Variants in FAM81A observed in about 807,000 individuals in gnomAD.
The protein encoded by FAM81A is protein FAM81A.
Under a neutral mutation model 46.7 loss-of-function variants are expected in FAM81A, and 19 were observed. That is an observed-to-expected ratio of 0.41 (90% CI 0.28 to 0.60). FAM81A has a LOEUF of 0.60. FAM81A is among the 20% of genes least tolerant of loss of function. The pLI is 0.34. For missense variants in FAM81A, 377 were observed against 453.5 expected (o/e 0.83, Z 1.53); for synonymous variants, 183 against 152.9 (o/e 1.20, Z -1.45).
intron 4 of FAM81A, among the ~76,000 whole-genome samples, chr15:59,502,520 T>G (rs2082103987): frequency 6.6e-6 from 1 of 151,330 alleles, no homozygotes; most frequent in Admixed American, 6.6e-5. Flanking sequence ...TGTGTGTGTG[T>G]GTGTGTGTTT....
rs2081589011 is a variant in FAM81A at position 59,464,453 on chromosome 15, C to G, written c.294+4247C>G. On this transcript the variant is annotated intron_variant, in intron 3 of 8. Coordinates refer to ENST00000288228, the MANE Select transcript of FAM81A (RefSeq NM_152450.3). ...CCCGCCAACAGTGTATAAGAGCTCC[C>G]TTTTCTCTGTATCCTTGCCAGCATG... Among the ~76,000 whole-genome samples, 3 of 152,170 alleles carry G rather than the reference C, an allele frequency of 2.0e-5. 1 individual carries two copies. The South Asian group carries it at 6.2e-4, about 32-fold the overall frequency.
chr15:59,486,952 C>T (rs2141733961), intron 3 of FAM81A, among the ~76,000 whole-genome samples: 2 of 152,030 alleles, frequency 1.3e-5, no homozygotes, highest in South Asian at 4.2e-4. Flanking sequence ...AGGTACAAAA[C>T]TCACTGGTAA....
chr15:59,448,264 A>C, intron 1 of FAM81A, among the ~76,000 whole-genome samples: 1 of 152,068 alleles, frequency 6.6e-6, no homozygotes, highest in Admixed American at 6.6e-5. Flanking sequence ...GTAATCCCAG[A>C]TACTCAGGAG....
chr15:59,496,264 G>A (rs1247765101), intron 4 of FAM81A, among the ~76,000 whole-genome samples: 1 of 152,068 alleles, frequency 6.6e-6, no homozygotes, highest in Non-Finnish European at 1.5e-5. Context: ...ATAATTTGTT[G>A]AAAAGTCTAT....
intron 3 of FAM81A, among the ~76,000 whole-genome samples, chr15:59,483,575 A>G (rs1318867268): frequency 2.0e-5 from 3 of 152,200 alleles, no homozygotes; most frequent in African/African-American, 7.2e-5. Context: ...GGGCTTTCCT[A>G]TTCATTTCCA....
chr15:59,461,932 G>T (rs1206563660), intron 3 of FAM81A, among the ~76,000 whole-genome samples: 1 of 152,086 alleles, frequency 6.6e-6, no homozygotes, highest in East Asian at 1.9e-4. Context: ...GGCAGGGCGC[G>T]GTGGCTCATG....
At chr15:59,480,332 GCTGTTTCTTTC>G (rs1332108788) in intron 3 of FAM81A, among the ~76,000 whole-genome samples, 1 of 152,150 alleles carries the variant, frequency 6.6e-6, no homozygotes, top group Non-Finnish European at 1.5e-5. Context: ...AACATGGAGA[GCTGTTTCTTTC>G]CTGGTTCCTG....
At chr15:59,439,607 A>T (rs1234742388) in intron 1 of FAM81A, among the ~76,000 whole-genome samples, 1 of 152,158 alleles carries the variant, frequency 6.6e-6, no homozygotes, top group Admixed American at 6.5e-5. Flanking sequence ...TTTCATTCGA[A>T]TCTGATTTCA....
intron 2 of FAM81A, among the ~76,000 whole-genome samples, chr15:59,413,417 AACACACACACACAC>A (rs535000983): frequency 0.011 from 1,535 of 134,504 alleles, 43 homozygotes; most frequent in African/African-American, 0.037. Context: ...GAGAGCATTA[AACACACACACACAC>A]ACACACACAC....
At chr15:59,425,754 T>A (rs1396025765) in intron 2 of FAM81A, among the ~76,000 whole-genome samples, 1 of 152,146 alleles carries the variant, frequency 6.6e-6, no homozygotes, top group Non-Finnish European at 1.5e-5. Flanking sequence ...GCCTCCTGAG[T>A]AAGTGGGACT....
At chr15:59,458,272 G>A (rs1409212664) in intron 1 of FAM81A, among the ~76,000 whole-genome samples, 1 of 152,138 alleles carries the variant, frequency 6.6e-6, no homozygotes, top group Non-Finnish European at 1.5e-5. Flanking sequence ...TTTGGAGTGA[G>A]GAAACTTCAG....
At chr15:59,486,542 C>T (rs74766065) in intron 3 of FAM81A, among the ~76,000 whole-genome samples, 13,188 of 152,024 alleles carry the variant, frequency 0.087, 707 homozygotes, top group African/African-American at 0.15. Context: ...AATCAAAATT[C>T]AAGCACAAGA....
At chr15:59,515,544 C>G (rs546668981) in intron 7 of FAM81A, among the ~76,000 whole-genome samples, 1 of 152,276 alleles carries the variant, frequency 6.6e-6, no homozygotes, top group African/African-American at 2.4e-5. Context: ...AGTTTGCAGT[C>G]TTGGCCTCCA....
At chr15:59,474,472 G>C (rs574689005) in intron 3 of FAM81A, among the ~76,000 whole-genome samples, 2 of 152,294 alleles carry the variant, frequency 1.3e-5, no homozygotes, top group Admixed American at 1.3e-4. Flanking sequence ...CAAAAGGATT[G>C]AACAGAGTGG....
chr15:59,442,652 AAAAAG>A (rs1168311936), intron 1 of FAM81A, among the ~76,000 whole-genome samples: 3 of 151,772 alleles, frequency 2.0e-5, no homozygotes, highest in African/African-American at 4.8e-5. Context: ...AAAAGAAAAG[AAAAAG>A]AAAAGTCGCA....
intron 7 of FAM81A, among the ~76,000 whole-genome samples, chr15:59,515,821 G>A (rs540333111): frequency 1.3e-5 from 2 of 152,252 alleles, no homozygotes; most frequent in African/African-American, 4.8e-5. Flanking sequence ...GGATAATAGT[G>A]GCTTTCATGA....
chr15:59,412,892 T>C (rs1446085766), intron 2 of FAM81A, among the ~76,000 whole-genome samples: 2 of 152,244 alleles, frequency 1.3e-5, no homozygotes, highest in East Asian at 3.9e-4. Flanking sequence ...CTTGAACTGG[T>C]TGAGAAAGGT....
intron 2 of FAM81A, among the ~76,000 whole-genome samples, chr15:59,459,245 C>A (rs1272983174): frequency 6.6e-6 from 1 of 152,198 alleles, no homozygotes; most frequent in African/African-American, 2.4e-5. Context: ...AGCAGTCCTC[C>A]CACCTCAGCC....
intron 3 of FAM81A, among the ~76,000 whole-genome samples, chr15:59,470,996 G>T (rs1335704656): frequency 6.6e-6 from 1 of 151,958 alleles, no homozygotes; most frequent in Non-Finnish European, 1.5e-5. Context: ...CTAATTTTTT[G>T]TAGAGACAAG....
Sources: allele counts gnomAD v4.1 joint callset (sites outside exome capture counted in the v4.1 genomes callset), GRCh38; gene constraint gnomAD v4.1.1; transcripts MANE v1.5; gene names NCBI Gene and HGNC (gene_info 2026-07-23, HGNC 2026-07-21).